SH2D4B: variants seen among roughly 807,000 people sequenced by gnomAD.
The protein encoded by SH2D4B is SH2 domain-containing protein 4B.
SH2D4B carries 45 observed loss-of-function variants against 61.5 expected under a neutral mutation model. That is an observed-to-expected ratio of 0.73 (90% CI 0.58 to 0.94). SH2D4B has a LOEUF of 0.94. SH2D4B is among the 40% of genes least tolerant of loss of function. SH2D4B has a pLI of 0.00. For synonymous variants in SH2D4B, 224 were observed against 220.4 expected, an observed-to-expected ratio of 1.02 and a Z score of -0.14; for missense variants, 572 against 574.2, an observed-to-expected ratio of 1.00 and a Z score of 0.04.
At chr10:80,565,746 G>A (rs1156837535) in intron 1 of SH2D4B, among the ~76,000 whole-genome samples, 1 of 152,038 alleles carries the variant, frequency 6.6e-6, no homozygotes, top group Admixed American at 6.6e-5. Flanking sequence ...TTTTCCAGTG[G>A]CTCCAGGAAT....
At position 80,572,975 on chromosome 10, in the gene SH2D4B, TATATATATA is replaced by T. The variant is rs1267810854; in HGVS notation, c.495+1398_495+1406del. Among the ~76,000 whole-genome samples, 43 of 10,284 alleles carry T rather than the reference TATATATATA, an allele frequency of 4.2e-3. 1 individual carries two copies. Among genetic ancestry groups the T allele is most frequent in the Admixed American group, 8.0e-3 (7 of 872 alleles). The allele number at this position is 10,284 out of a possible 152,430, so 6.7% of individuals were successfully genotyped here. Reference sequence around the variant, plus strand: ...ATATATATATATATATATATATATATATATATATATATTTTTTTTTTTTTTTTTTTTTTT... The same window carrying T: ...ATATATATATATATATATATATATATTATTTTTTTTTTTTTTTTTTTTTTT... On this transcript the variant is annotated intron_variant, in intron 3 of 7. Coordinates refer to ENST00000646907, the MANE Select transcript of SH2D4B (RefSeq NM_001388272.1).
intron 3 of SH2D4B, among the ~76,000 whole-genome samples, chr10:80,583,296 G>A (rs75710327): frequency 2.5e-4 from 21 of 83,730 alleles, no homozygotes; most frequent in African/African-American, 1.3e-3. Context: ...GAAATTACAC[G>A]TGATAGCTGA....
rs1841617331 is a variant in SH2D4B at position 80,543,604 on chromosome 10, CCG to C, written c.184+5094_184+5095del. 2.0e-5 allele frequency among the ~76,000 whole-genome samples: 3 copies of C among 152,350 alleles called. No homozygotes were observed. The South Asian group carries it at 6.2e-4, about 32-fold the overall frequency. On this transcript the variant is annotated intron_variant, in intron 1 of 7. Transcript: ENST00000646907. ...TCAAGGGCTGAGGAGTGCGGGCGCACCGCGCGGGACTGGCAGGCAGCTCCACC... is the reference window on the plus strand; with the variant it reads ...TCAAGGGCTGAGGAGTGCGGGCGCACCGCGGGACTGGCAGGCAGCTCCACC...
chr10:80,600,043 A>C (rs1589351515), intron 4 of SH2D4B, among the ~76,000 whole-genome samples: 1 of 152,128 alleles, frequency 6.6e-6, no homozygotes, highest in East Asian at 1.9e-4. Context: ...ATATTTAATA[A>C]ACCTAGCCCA....
intron 5 of SH2D4B, 33 bp downstream of exon 5, chr10:80,603,828 G>T (rs1315909270): frequency 1.9e-6 from 3 of 1,587,842 alleles, no homozygotes; most frequent in Non-Finnish European, 2.6e-6. Flanking sequence ...TGTGGTTGGG[G>T]CAAGGGCCTT....
At chr10:80,562,497 AC>A (rs1336248363) in intron 1 of SH2D4B, among the ~76,000 whole-genome samples, 3 of 152,212 alleles carry the variant, frequency 2.0e-5, no homozygotes, top group African/African-American at 7.2e-5. Flanking sequence ...CTTAATACAT[AC>A]CACATTTTCT....
intron 1 of SH2D4B, among the ~76,000 whole-genome samples, chr10:80,552,255 G>A (rs1841771050): frequency 1.3e-5 from 2 of 152,310 alleles, no homozygotes; most frequent in East Asian, 3.9e-4. Context: ...CCAGCAGGGA[G>A]CCTGAGTTTC....
In SH2D4B at chr10:80,597,414, C is replaced by T. The variant is rs184442203; in HGVS notation, c.644-6165C>T. 2.2e-3 allele frequency among the ~76,000 whole-genome samples: 335 copies of T among 152,268 alleles called. 2 individuals are homozygous for T. The highest frequency in any genetic ancestry group is 4.0e-3 in the Non-Finnish European group (275 of 68,030). Reference sequence around the variant, plus strand: ...GGCACAATGACTCATGCCTGTAATGCCAGGACTTTGGGAGGCTGAGGCAGG... The same window carrying T: ...GGCACAATGACTCATGCCTGTAATGTCAGGACTTTGGGAGGCTGAGGCAGG... On this transcript the variant is annotated intron_variant, in intron 4 of 7. Coordinates refer to ENST00000646907, the MANE Select transcript of SH2D4B (RefSeq NM_001388272.1).
At chr10:80,545,943 A>T (rs1461024116) in intron 1 of SH2D4B, among the ~76,000 whole-genome samples, 1 of 151,896 alleles carries the variant, frequency 6.6e-6, no homozygotes, top group African/African-American at 2.4e-5. Context: ...GCAATGATAA[A>T]TCTGTCACCT....
At chr10:80,574,474 C>T (rs1206847982) in intron 3 of SH2D4B, among the ~76,000 whole-genome samples, 2 of 152,004 alleles carry the variant, frequency 1.3e-5, no homozygotes, top group Admixed American at 6.6e-5. Context: ...GTTTAATATT[C>T]GTTGTTGCTA....
At chr10:80,588,442 G>A (rs749081230) in intron 3 of SH2D4B, among the ~76,000 whole-genome samples, 188 bp from the exon 4 acceptor site, 2 of 152,118 alleles carry the variant, frequency 1.3e-5, no homozygotes, top group African/African-American at 2.4e-5. Flanking sequence ...TAATTTTTGC[G>A]TTTATCCAAA....
intron 4 of SH2D4B, among the ~76,000 whole-genome samples, chr10:80,590,229 T>C (rs1842311023): frequency 6.6e-6 from 1 of 152,144 alleles, no homozygotes; most frequent in Non-Finnish European, 1.5e-5. Context: ...AACTGAGCTC[T>C]TGGGTGTAGG....
Position 80,603,857 on chromosome 10 carries a change from C to T in SH2D4B, c.860+62C>T. On this transcript the variant is annotated intron_variant, in intron 5 of 7. Coordinates refer to ENST00000646907, the MANE Select transcript of SH2D4B (RefSeq NM_001388272.1). ...GGGCCTTGGATTAGGGCATGGGACA[C>T]CGGGGTCCCCGTCCCGGGTCTGCCC... The T allele has an allele frequency of 7.5e-6, 11 of 1,462,450 alleles. 1 individual carries two copies. In the South Asian group the frequency reaches 1.2e-4, roughly 16 times the overall value. The allele number at this position is 1,462,450 out of a possible 1,614,324, so 90.6% of individuals were successfully genotyped here.
chr10:80,545,234 C>T (rs1397231097), intron 1 of SH2D4B, among the ~76,000 whole-genome samples: 3 of 152,160 alleles, frequency 2.0e-5, no homozygotes, highest in Non-Finnish European at 4.4e-5. Flanking sequence ...ACCCCGTAGC[C>T]ATGAATGGTC....
intron 1 of SH2D4B, among the ~76,000 whole-genome samples, chr10:80,568,830 A>G (rs72805708): frequency 0.021 from 3,261 of 152,308 alleles, 46 homozygotes; most frequent in Middle Eastern, 0.048. Context: ...CACAGTCACT[A>G]GCAACCAACA....
At chr10:80,572,199 A>T (rs973223364) in intron 3 of SH2D4B, among the ~76,000 whole-genome samples, 1 of 152,170 alleles carries the variant, frequency 6.6e-6, no homozygotes, top group Non-Finnish European at 1.5e-5. Flanking sequence ...TTGCATCCCA[A>T]ACCACCAGTC....
At chr10:80,564,636 G>A (rs775503801) in intron 1 of SH2D4B, among the ~76,000 whole-genome samples, 1 of 152,146 alleles carries the variant, frequency 6.6e-6, no homozygotes, top group Non-Finnish European at 1.5e-5. Flanking sequence ...AATATCATCT[G>A]TACACTGATG....
intron 3 of SH2D4B, among the ~76,000 whole-genome samples, chr10:80,584,252 G>A (rs141217853): frequency 6.6e-6 from 1 of 152,332 alleles, no homozygotes; most frequent in Non-Finnish European, 1.5e-5. Context: ...GTTGAGAGGT[G>A]TGCCATTTGT....
intron 3 of SH2D4B, among the ~76,000 whole-genome samples, chr10:80,580,087 G>T (rs1282013240): frequency 2.0e-5 from 3 of 152,208 alleles, no homozygotes; most frequent in Non-Finnish European, 4.4e-5. Flanking sequence ...TCAGCTCACT[G>T]TGGTGTTATT....
Sources: gnomAD v4.1 joint callset for allele counts (sites outside exome capture counted in the v4.1 genomes callset) on GRCh38, gnomAD v4.1.1 for gene constraint, MANE v1.5 for transcripts, NCBI Gene and HGNC (gene_info 2026-07-23, HGNC 2026-07-21) for gene names.